MTBP: variants seen among roughly 807,000 people sequenced by gnomAD.
MTBP encodes the protein MDM2 binding protein.
In MTBP, 101 loss-of-function variants were observed where a neutral mutation model predicts 117.0. The observed-to-expected ratio is 0.86, with a 90% confidence interval of 0.73 to 1.02. MTBP has a LOEUF of 1.02. Ranked by LOEUF, MTBP falls within the 50% of genes least tolerant of loss-of-function variation. The probability of loss-of-function intolerance (pLI) is 0.00; values close to 1 mark genes in which losing one functional copy is unlikely to be tolerated. For synonymous variants in MTBP, 350 were observed against 351.5 expected (o/e 1.00, Z 0.05); for missense variants, 970 against 1,030.9 (o/e 0.94, Z 0.81).
Position 120,445,482 on chromosome 8 carries a change from C to T in MTBP, c.12C>T (p.Tyr4=). MDR[Y]LLLVIWGEGK... is the part of the protein sequence containing the mutation. Reference sequence around the variant, plus strand: ...TGATCTCTGAGGAGATGGATCGGTACCTGCTGCTGGTGATCTGGGGGGAAG... The same window carrying T: ...TGATCTCTGAGGAGATGGATCGGTATCTGCTGCTGGTGATCTGGGGGGAAG... The change falls in exon 1 of 22, where the codon TAC becomes TAT. Residue 4 remains tyrosine, a synonymous_variant. Coordinates refer to ENST00000305949, the MANE Select transcript of MTBP (RefSeq NM_022045.5). 1.2e-6 allele frequency: 2 copies of T among 1,613,214 alleles called. No homozygotes were observed. The highest frequency in any genetic ancestry group is 2.2e-5 in the South Asian group (2 of 91,036).
Position 120,451,180 on chromosome 8 carries a change from T to A in MTBP, c.283T>A (p.Ser95Thr). 1 of 1,604,468 alleles carries A rather than the reference T, an allele frequency of 6.2e-7. No homozygotes were observed. Among genetic ancestry groups the A allele is most frequent in the Non-Finnish European group, 8.5e-7 (1 of 1,173,858 alleles). The part of the protein sequence containing the change: ...AIYGFYQFCS[S>T]DWQEIHFDTE... Reference sequence around the variant, plus strand: ...TCTTTTGATTTGTTAGTTTTGTAGTTCTGATTGGCAAGAGATACATTTTGA... The same window carrying A: ...TCTTTTGATTTGTTAGTTTTGTAGTACTGATTGGCAAGAGATACATTTTGA... Residue 95 changes from serine (S) to threonine (T), a missense_variant, in exon 4 of 22, where the codon TCT becomes ACT. Ser to Thr is a moderately conservative substitution (Grantham distance 58, BLOSUM62 1). Transcript: ENST00000305949.
chr8:120,448,667 A>G (rs886644828), intron 2 of MTBP, among the ~76,000 whole-genome samples: 2 of 152,330 alleles, frequency 1.3e-5, no homozygotes, highest in East Asian at 1.9e-4. Flanking sequence ...GAAGCTTGCA[A>G]TGAAGTCTTA....
chr8:120,492,241 T>C (rs1308291371), intron 13 of MTBP, among the ~76,000 whole-genome samples: 2 of 152,208 alleles, frequency 1.3e-5, no homozygotes, highest in Non-Finnish European at 2.9e-5. Context: ...ATCTCTTCTC[T>C]ACCCAGAGAG....
At position 120,445,442 on chromosome 8, in the gene MTBP, C is replaced by T; in HGVS notation, c.-29C>T. The T allele has an allele frequency of 1.3e-6, 2 of 1,590,220 alleles. No homozygotes were observed. The highest frequency in any genetic ancestry group is 1.7e-6 in the Non-Finnish European group (2 of 1,160,634). On this transcript the variant is annotated 5_prime_UTR_variant, in exon 1 of 22. Coordinates refer to ENST00000305949, the MANE Select transcript of MTBP (RefSeq NM_022045.5). Reference sequence around the variant, plus strand: ...GTCTGTTTGGATGTGGAAGCCGAGACCTAAAGTTGGGGGGTGATCTCTGAG... The same window carrying T: ...GTCTGTTTGGATGTGGAAGCCGAGATCTAAAGTTGGGGGGTGATCTCTGAG...
At chr8:120,473,194 C>CT (rs1554638452) in intron 11 of MTBP, 1 of 151,756 alleles carries the variant, frequency 6.6e-6, no homozygotes, top group Non-Finnish European at 1.5e-5. Flanking sequence ...AATTTGTATT[C>CT]TTCTTGGTTA....
intron 5 of MTBP, 89 bp downstream of exon 5, chr8:120,453,994 T>C (rs929161004): frequency 2.4e-5 from 17 of 713,302 alleles, no homozygotes; most frequent in Non-Finnish European, 3.4e-5. Context: ...ATGTTAGTGT[T>C]CTCACTCTAA....
chr8:120,509,648 TC>T (rs1814759819), intron 16 of MTBP, among the ~76,000 whole-genome samples: 1 of 152,144 alleles, frequency 6.6e-6, no homozygotes, highest in African/African-American at 2.4e-5. Context: ...CTCTTGAATT[TC>T]CATTATAAAT....
At chr8:120,504,881 G>A (rs1290280533) in intron 15 of MTBP, among the ~76,000 whole-genome samples, 1 of 151,664 alleles carries the variant, frequency 6.6e-6, no homozygotes, top group Non-Finnish European at 1.5e-5. Context: ...ATTTTTGGTA[G>A]TCATATTTTA....
At chr8:120,466,953 T>G (rs1731475461) in intron 10 of MTBP, among the ~76,000 whole-genome samples, 1 of 152,236 alleles carries the variant, frequency 6.6e-6, no homozygotes. Context: ...TGCTGCTATC[T>G]GCCAGATGCT....
intron 11 of MTBP, among the ~76,000 whole-genome samples, chr8:120,476,333 T>G (rs1243192497): frequency 6.6e-6 from 1 of 152,130 alleles, no homozygotes; most frequent in Non-Finnish European, 1.5e-5. Context: ...GGATTCCCTT[T>G]GAAAACTGGC....
intron 11 of MTBP, 78 bp downstream of exon 11, chr8:120,471,015 T>C (rs566451109): frequency 1.0e-6 from 1 of 967,938 alleles, no homozygotes; most frequent in Admixed American, 2.2e-5. Context: ...GAAGATAACA[T>C]TTCTATATGA....
rs1047503670 is a variant in MTBP at position 120,483,138 on chromosome 8, A to T, written c.1166-5021A>T. Among the ~76,000 whole-genome samples the T allele has an allele frequency of 3.3e-5, 5 of 151,900 alleles. No individual in the cohort carries two copies. The East Asian group carries it at 9.6e-4, about 29-fold the overall frequency. On this transcript the variant is annotated intron_variant, in intron 11 of 21. Coordinates refer to ENST00000305949, the MANE Select transcript of MTBP (RefSeq NM_022045.5). The stretch of plus-strand genomic sequence containing the variant: ...CTTAGTCTGATGAATAGGGTGGGGT[A>T]TCAGGCTAGGAAATACATTTTTGAA...
At chr8:120,510,078 T>C (rs1208888912) in intron 17 of MTBP, 49 bp downstream of exon 17, 3 of 1,245,562 alleles carry the variant, frequency 2.4e-6, no homozygotes, top group South Asian at 2.8e-5. Context: ...TGATACAGCC[T>C]GTCTTGTGTG....
intron 2 of MTBP, among the ~76,000 whole-genome samples, chr8:120,447,274 A>G (rs757383987): frequency 6.6e-6 from 1 of 151,842 alleles, no homozygotes; most frequent in Non-Finnish European, 1.5e-5. Context: ...CTCTTCTTTC[A>G]TTAGAGAACC....
intron 10 of MTBP, among the ~76,000 whole-genome samples, chr8:120,466,314 C>T (rs1465685106): frequency 6.7e-6 from 1 of 149,340 alleles, no homozygotes; most frequent in Non-Finnish European, 1.5e-5. Context: ...CGGGTTCAAG[C>T]AATTCTCCCG....
chr8:120,451,038 T>C lies in MTBP; in HGVS notation c.235T>C (p.Trp79Arg), dbSNP rs1345794370. ...SVGGIPGSKK[W>R]FFAVQAIYGF... ...GGGAGGTATACCTGGTTCCAAGAAG[T>C]GGTTCTTTGCAGTGCAGGCAATATA... is the stretch of plus-strand genomic sequence containing the variant. The change falls in exon 3 of 22, where the codon TGG (tryptophan) becomes CGG (arginine). Residue 79 changes from tryptophan (W) to arginine (R), a missense_variant. Coordinates refer to ENST00000305949, the MANE Select transcript of MTBP (RefSeq NM_022045.5). 5.0e-6 allele frequency: 8 copies of C among 1,612,672 alleles called. No individual in the cohort carries two copies. In the South Asian group the frequency reaches 8.8e-5, roughly 18 times the overall value.
Position 120,523,373 on chromosome 8 carries a change from A to T in MTBP, c.*37A>T. On this transcript the variant is annotated 3_prime_UTR_variant, in exon 22 of 22. Coordinates refer to ENST00000305949, the MANE Select transcript of MTBP (RefSeq NM_022045.5). ...TCTCTTTAAGACAATTATAAATTGG[A>T]TGGAGCTATTATTCACTACTTCTTT... The T allele has an allele frequency of 2.2e-6, 3 of 1,343,168 alleles. No homozygotes were observed. The highest frequency in any genetic ancestry group is 2.1e-6 in the Non-Finnish European group (2 of 973,592). 83.2% of individuals were successfully genotyped at this position (1,343,168 alleles called of 1,614,324 possible).
chr8:120,482,274 G>C (rs1358170545), intron 11 of MTBP, among the ~76,000 whole-genome samples: 1 of 152,162 alleles, frequency 6.6e-6, no homozygotes, highest in East Asian at 1.9e-4. Context: ...AAAAAATTGA[G>C]AATCACTACT....
At chr8:120,451,682 C>A (rs977409929) in intron 4 of MTBP, 1 of 173,522 alleles carries the variant, frequency 5.8e-6, no homozygotes, top group Non-Finnish European at 1.2e-5. Flanking sequence ...TGGGCTCAAG[C>A]GATCCTCCGA....
Sources: gnomAD v4.1 joint callset for allele counts (sites outside exome capture counted in the v4.1 genomes callset) on GRCh38, gnomAD v4.1.1 for gene constraint, MANE v1.5 for transcripts, NCBI Gene and HGNC (gene_info 2026-07-23, HGNC 2026-07-21) for gene names.